Variants in MTMR8 observed in about 807,000 individuals in gnomAD.
MTMR8 encodes phosphatidylinositol-3,5-bisphosphate 3-phosphatase MTMR8.
A neutral mutation model predicts 39.3 loss-of-function variants in MTMR8; 65 were observed. The observed-to-expected ratio is 1.65, with a 90% confidence interval of 1.35 to 2.03. The LOEUF (loss-of-function observed/expected upper bound fraction) is 2.03. Ranked by LOEUF, MTMR8 falls within the 30% of genes most tolerant of loss-of-function variation. The probability of loss-of-function intolerance (pLI) is 0.00; values close to 1 mark genes in which losing one functional copy is unlikely to be tolerated. For synonymous variants in MTMR8, 245 were observed against 185.2 expected (o/e 1.32, Z -2.62); for missense variants, 777 against 538.9 (o/e 1.44, Z -4.37).
chrX:64,290,461 T>C (rs749740611), intron 12 of MTMR8, among the ~76,000 whole-genome samples: 1 of 110,646 alleles, frequency 9.0e-6, no homozygotes, highest in Admixed American at 9.7e-5. Context: ...AAAGAAATAA[T>C]AGCGTTCCCA....
chrX:64,354,988 C>T, intron 3 of MTMR8, 54 bp from the exon 4 acceptor site: 2 of 1,000,545 alleles, frequency 2.0e-6, no homozygotes, highest in East Asian at 3.4e-5. Flanking sequence ...ACCTAAAAAT[C>T]ATCAAACAAT....
intron 4 of MTMR8, among the ~76,000 whole-genome samples, chrX:64,351,841 C>A (rs756285353): frequency 9.0e-6 from 1 of 111,134 alleles, no homozygotes; most frequent in South Asian, 3.9e-4. Context: ...CTTCTGCCTG[C>A]TTTTTCTAGC....
chrX:64,338,759 C>T (rs1923140460), intron 8 of MTMR8, among the ~76,000 whole-genome samples: 1 of 111,459 alleles, frequency 9.0e-6, no homozygotes, highest in Non-Finnish European at 1.9e-5. Flanking sequence ...CGTGGAAGTC[C>T]ATATAGGCCT....
intron 1 of MTMR8, among the ~76,000 whole-genome samples, chrX:64,394,299 G>A (rs1924766871): frequency 8.9e-6 from 1 of 111,785 alleles, no homozygotes; most frequent in Non-Finnish European, 1.9e-5. Context: ...TTTGGGTGGG[G>A]ACACAGAGAA....
At chrX:64,280,899 C>A (rs1216497649) in intron 12 of MTMR8, among the ~76,000 whole-genome samples, 1 of 111,109 alleles carries the variant, frequency 9.0e-6, no homozygotes, top group Non-Finnish European at 1.9e-5. Context: ...TGCTATACCA[C>A]CCCCAACAGA....
intron 12 of MTMR8, among the ~76,000 whole-genome samples, chrX:64,301,216 A>G (rs1171386252): frequency 9.2e-6 from 1 of 109,252 alleles, no homozygotes; most frequent in Non-Finnish European, 1.9e-5. Context: ...AGGTACACCA[A>G]TCAGACGTAG....
At chrX:64,356,037 C>A in intron 3 of MTMR8, 139 bp downstream of exon 3, 1 of 567,875 alleles carries the variant, frequency 1.8e-6, no homozygotes. Flanking sequence ...GGTTATATAA[C>A]TTGCCCAAAT....
At chrX:64,316,972 C>T (rs144958631) in intron 12 of MTMR8, among the ~76,000 whole-genome samples, 1 of 106,791 alleles carries the variant, frequency 9.4e-6, no homozygotes, top group East Asian at 3.1e-4. Flanking sequence ...GTTAGCCAGG[C>T]GTGGTGATGT....
intron 12 of MTMR8, among the ~76,000 whole-genome samples, chrX:64,316,871 G>A (rs1352984964): frequency 9.1e-6 from 1 of 110,022 alleles, no homozygotes; most frequent in Non-Finnish European, 1.9e-5. Context: ...AGCACTTTGG[G>A]AGGTCAAGGA....
At chrX:64,387,145 G>A (rs1924581153) in intron 1 of MTMR8, among the ~76,000 whole-genome samples, 1 of 111,504 alleles carries the variant, frequency 9.0e-6, no homozygotes, top group African/African-American at 3.3e-5. Flanking sequence ...AATTGCACAG[G>A]GCCTCACTCA....
At chrX:64,338,284 GACAA>G (rs1236222336) in intron 8 of MTMR8, among the ~76,000 whole-genome samples, 1 of 111,789 alleles carries the variant, frequency 8.9e-6, no homozygotes, top group African/African-American at 3.3e-5. Flanking sequence ...ATACAAAAGA[GACAA>G]ACACTTAAAT....
chrX:64,392,655 T>C (rs1368988024), intron 1 of MTMR8, among the ~76,000 whole-genome samples: 1 of 111,308 alleles, frequency 9.0e-6, no homozygotes, highest in Non-Finnish European at 1.9e-5. Context: ...TGTCCAGTTT[T>C]TAAGTTTATA....
In MTMR8 at chrX:64,369,428, G is replaced by A. The variant is rs1184956635; in HGVS notation, c.25-9901C>T. Among the ~76,000 whole-genome samples, 5 of 111,878 alleles carry A rather than the reference G, an allele frequency of 4.5e-5. No homozygotes were observed. The South Asian group carries it at 1.1e-3, about 25-fold the overall frequency. On this transcript the variant is annotated intron_variant, in intron 1 of 13. Transcript: ENST00000374852. Reference sequence around the variant, plus strand: ...GCACATATACACCATGGAATACTATGCAGCCATAAAAACGGCTGAGTTCAT... The same window carrying A: ...GCACATATACACCATGGAATACTATACAGCCATAAAAACGGCTGAGTTCAT...
intron 12 of MTMR8, among the ~76,000 whole-genome samples, chrX:64,304,186 G>C (rs935249337): frequency 8.9e-6 from 1 of 112,034 alleles, no homozygotes; most frequent in African/African-American, 3.2e-5. Flanking sequence ...GGGGCGGGGA[G>C]GAAAAGGGGT....
intron 8 of MTMR8, among the ~76,000 whole-genome samples, chrX:64,342,527 T>G (rs1167955198): frequency 8.9e-6 from 1 of 112,490 alleles, no homozygotes; most frequent in Non-Finnish European, 1.9e-5. Flanking sequence ...CCTCACTCTC[T>G]TTGGTCTAAT....
chrX:64,360,043 C>G (rs1317352764), intron 1 of MTMR8, among the ~76,000 whole-genome samples: 1 of 108,667 alleles, frequency 9.2e-6, no homozygotes, highest in Non-Finnish European at 1.9e-5. Flanking sequence ...AATAAATGTA[C>G]AAGAATTAAA....
intron 7 of MTMR8, 43 bp downstream of exon 7, chrX:64,345,002 C>A (rs1223203779): frequency 8.4e-7 from 1 of 1,190,714 alleles, no homozygotes. Context: ...CATGATAACG[C>A]AAAGCTATGG....
intron 12 of MTMR8, among the ~76,000 whole-genome samples, chrX:64,296,844 T>G (rs1375090795): frequency 3.0e-5 from 3 of 101,441 alleles, no homozygotes; most frequent in Non-Finnish European, 6.0e-5. Flanking sequence ...GGTTTTTTGT[T>G]CTTGCGATAG....
At chrX:64,279,200 T>A (rs1288495022) in intron 12 of MTMR8, among the ~76,000 whole-genome samples, 1 of 112,004 alleles carries the variant, frequency 8.9e-6, no homozygotes, top group African/African-American at 3.2e-5. Flanking sequence ...CTTCTCAAAT[T>A]ATTTCAAGAA....
Sources: allele counts gnomAD v4.1 joint callset (sites outside exome capture counted in the v4.1 genomes callset), GRCh38; gene constraint gnomAD v4.1.1; transcripts MANE v1.5; gene names NCBI Gene and HGNC (gene_info 2026-07-23, HGNC 2026-07-21).